The following DYSF variants were observed in gnomAD, a reference collection of about 807,000 sequenced individuals.
DYSF encodes dysferlin.
In DYSF, 212 loss-of-function variants were observed where a neutral mutation model predicts 274.9. The observed-to-expected ratio is 0.77, with a 90% CI of 0.69 to 0.86. The LOEUF (loss-of-function observed/expected upper bound fraction) is 0.86. Ranked by LOEUF, DYSF falls within the 40% of genes least tolerant of loss-of-function variation. The pLI, the probability that DYSF is intolerant of heterozygous loss-of-function variation, is 0.00. For missense variants in DYSF, 2,666 were observed against 2,783.2 expected, an observed-to-expected ratio of 0.96 and a Z score of 0.95; for synonymous variants, 1,091 against 1,078.7, an observed-to-expected ratio of 1.01 and a Z score of -0.22.
At chr2:71,617,355 T>C (rs2093907408) in intron 40 of DYSF, among the ~76,000 whole-genome samples, 1 of 152,088 alleles carries the variant, frequency 6.6e-6, no homozygotes, top group Non-Finnish European at 1.5e-5. Flanking sequence ...GAGACCAAAC[T>C]CTTGGAGTCT....
chr2:71,589,997 C>A (rs1239132477), intron 31 of DYSF, among the ~76,000 whole-genome samples: 2 of 152,182 alleles, frequency 1.3e-5, no homozygotes, highest in Non-Finnish European at 2.9e-5. Context: ...TCTCCCCAGC[C>A]CTAGGCTGGC....
intron 32 of DYSF, 79 bp from the exon 33 acceptor site, chr2:71,598,485 C>A (rs1025751635): frequency 6.5e-7 from 1 of 1,543,390 alleles, no homozygotes; most frequent in Non-Finnish European, 8.9e-7. Context: ...AGCTTTGTGG[C>A]CCCACATGGC....
Position 71,561,941 on chromosome 2 carries a change from G to T in DYSF, c.2406G>T (p.Glu802Asp). 1 of 1,613,588 alleles carries T rather than the reference G, an allele frequency of 6.2e-7. No homozygotes were observed. The highest frequency in any genetic ancestry group is 8.5e-7 in the Non-Finnish European group (1 of 1,179,848). Residue 802 changes from glutamate (E) to aspartate (D), a missense_variant, in exon 23 of 56, where the codon GAG becomes GAT. This residue lies in a region of DYSF where 412 missense variants were observed against 504.0 expected (regional missense o/e 0.82). Transcript: ENST00000410020. ...DWLLRLRALA[E>D]EPQNSLPDIV... ...TCCTGCGTCTGCGTGCCCTGGCAGAGGAGGTAATTAAGCCTGGGGGTGCCT... is the reference window on the plus strand; with the variant it reads ...TCCTGCGTCTGCGTGCCCTGGCAGATGAGGTAATTAAGCCTGGGGGTGCCT...
At chr2:71,521,033 T>C (rs1286211532) in intron 12 of DYSF, 129 bp downstream of exon 12, 4 of 726,258 alleles carry the variant, frequency 5.5e-6, no homozygotes, top group African/African-American at 3.6e-5. Flanking sequence ...TAATGAGAAA[T>C]GTGGAACATG....
chr2:71,680,502 A>G (rs2152969319), intron 53 of DYSF, among the ~76,000 whole-genome samples: 1 of 152,378 alleles, frequency 6.6e-6, no homozygotes, highest in African/African-American at 2.4e-5. Context: ...TTAAAAGTCT[A>G]GGTTCTGGGA....
At chr2:71,680,090 TTAAC>T (rs2095278094) in intron 53 of DYSF, among the ~76,000 whole-genome samples, 1 of 152,168 alleles carries the variant, frequency 6.6e-6, no homozygotes, top group Admixed American at 6.5e-5. Flanking sequence ...CAGTAAGAGA[TTAAC>T]AACAATAACT....
chr2:71,480,800 C>G, intron 1 of DYSF, 83 bp from the exon 2 acceptor site: 1 of 1,288,412 alleles, frequency 7.8e-7, no homozygotes, highest in Non-Finnish European at 1.1e-6. Context: ...AGCTGAAGCA[C>G]AGGTCTCAGA....
chr2:71,476,668 G>T (rs1002336982), intron 1 of DYSF, among the ~76,000 whole-genome samples: 4 of 152,114 alleles, frequency 2.6e-5, no homozygotes, highest in African/African-American at 9.7e-5. Flanking sequence ...AGCAGTAAAA[G>T]GATTAGTTTG....
At chr2:71,671,999 T>G (rs2095131969) in intron 51 of DYSF, among the ~76,000 whole-genome samples, 6 of 149,220 alleles carry the variant, frequency 4.0e-5, no homozygotes, top group South Asian at 2.2e-4. Context: ...GGTCAGAGAG[T>G]GGAAGGAGAG....
chr2:71,494,026 T>C (rs1379969439), intron 3 of DYSF, among the ~76,000 whole-genome samples: 2 of 152,200 alleles, frequency 1.3e-5, no homozygotes, highest in African/African-American at 4.8e-5. Context: ...CAGATGTTCT[T>C]GCAGAAGTGT....
intron 1 of DYSF, among the ~76,000 whole-genome samples, chr2:71,455,649 T>C (rs1216003437): frequency 6.6e-6 from 1 of 152,142 alleles, no homozygotes; most frequent in African/African-American, 2.4e-5. Flanking sequence ...ATACTGTAAA[T>C]AGCCCCTTGG....
chr2:71,568,983 C>T (rs910030384), intron 26 of DYSF, among the ~76,000 whole-genome samples: 7 of 152,288 alleles, frequency 4.6e-5, no homozygotes, highest in South Asian at 2.1e-4. Context: ...CGCCATTCTC[C>T]GGCCTCAGCC....
At chr2:71,635,312 C>T in intron 41 of DYSF, among the ~76,000 whole-genome samples, 1 of 152,200 alleles carries the variant, frequency 6.6e-6, no homozygotes. Flanking sequence ...CATGATCAGC[C>T]TTTGTAAACT....
At chr2:71,564,437 A>C (rs528919677) in intron 24 of DYSF, among the ~76,000 whole-genome samples, 1 of 152,156 alleles carries the variant, frequency 6.6e-6, no homozygotes, top group African/African-American at 2.4e-5. Flanking sequence ...TTTGAGCCGG[A>C]ATCACTGGCG....
Position 71,472,649 on chromosome 2 carries a change from A to G in DYSF, c.91+5716A>G, listed in dbSNP as rs576999699. On this transcript the variant is annotated intron_variant, in intron 1 of 55. Transcript: ENST00000410020. ...TCTGGATCTCCTGACTTCGTGATCCACCCGCCTTGGCCTCCCAAAGTGCTG... is the reference window on the plus strand; with the variant it reads ...TCTGGATCTCCTGACTTCGTGATCCGCCCGCCTTGGCCTCCCAAAGTGCTG... Among the ~76,000 whole-genome samples the G allele has an allele frequency of 3.9e-5, 6 of 152,184 alleles. No individual in the cohort carries two copies. In the East Asian group the frequency reaches 5.8e-4, roughly 15 times the overall value.
At position 71,681,090 on chromosome 2, in the gene DYSF, C is replaced by A. The variant is rs778053107; in HGVS notation, c.6153C>A (p.Asn2051Lys). The change falls in exon 54 of 56, where the codon AAC (asparagine) becomes AAA (lysine). Residue 2051 changes from asparagine (N) to lysine (K), a missense_variant. This residue lies in a region of DYSF where 1,460 missense variants were observed against 1,502.1 expected (regional missense o/e 0.97). Coordinates refer to ENST00000410020, the MANE Select transcript of DYSF (RefSeq NM_001130987.2). ...AGGGCCGGGATGAGCCCAACATGAA[C>A]CCTAAGCTTGAGGACCCAAGGTCAG... ...AGQGRDEPNM[N>K]PKLEDPRRPD... 6.2e-7 allele frequency: 1 copy of A among 1,614,162 alleles called. No individual in the cohort carries two copies. Among genetic ancestry groups the A allele is most frequent in the South Asian group, 1.1e-5 (1 of 91,078 alleles).
chr2:71,662,222 C>T (rs986369110), intron 45 of DYSF, among the ~76,000 whole-genome samples: 2 of 152,190 alleles, frequency 1.3e-5, no homozygotes, highest in South Asian at 2.1e-4. Context: ...GTTTTTGTCA[C>T]CATGTATTCC....
intron 1 of DYSF, among the ~76,000 whole-genome samples, chr2:71,479,072 ACT>A (rs2082660344): frequency 6.6e-6 from 1 of 151,392 alleles, no homozygotes; most frequent in Non-Finnish European, 1.5e-5. Flanking sequence ...TCCAGGCAGG[ACT>A]CTCTGAAAGC....
intron 1 of DYSF, among the ~76,000 whole-genome samples, chr2:71,473,770 T>C (rs1573339955): frequency 6.6e-6 from 1 of 152,192 alleles, no homozygotes; most frequent in African/African-American, 2.4e-5. Context: ...TTTTTAAGTA[T>C]ACAGTTCTGT....
Sources: allele counts gnomAD v4.1 joint callset (sites outside exome capture counted in the v4.1 genomes callset), GRCh38; gene constraint gnomAD v4.1.1; regional missense constraint gnomAD v4.1.1; transcripts MANE v1.5; gene names NCBI Gene and HGNC (gene_info 2026-07-23, HGNC 2026-07-21).